The following PKHD1L1 variants were observed in gnomAD, a reference collection of about 807,000 sequenced individuals.
PKHD1L1 encodes the protein fibrocystin-L.
PKHD1L1 carries 434 observed loss-of-function variants against 462.9 expected under a neutral mutation model. The observed-to-expected ratio is 0.94, with a 90% CI of 0.87 to 1.02. The LOEUF is 1.02. PKHD1L1 is among the 50% of genes least tolerant of loss of function. PKHD1L1 has a pLI of 0.00. For missense variants in PKHD1L1, 5,202 were observed against 5,096.1 expected, an observed-to-expected ratio of 1.02 and a Z score of -0.63; for synonymous variants, 1,781 against 1,750.0, an observed-to-expected ratio of 1.02 and a Z score of -0.44.
intron 32 of PKHD1L1, among the ~76,000 whole-genome samples, chr8:109,439,637 G>A (rs1312819215): frequency 1.3e-5 from 2 of 152,126 alleles, no homozygotes; most frequent in Non-Finnish European, 2.9e-5. Flanking sequence ...TGGGTAGGAG[G>A]TGGCCATCTG....
intron 47 of PKHD1L1, among the ~76,000 whole-genome samples, chr8:109,461,196 T>A (rs1405804658): frequency 6.6e-6 from 1 of 152,180 alleles, no homozygotes; most frequent in African/African-American, 2.4e-5. Flanking sequence ...GAACAATAAC[T>A]GATGCAGCTT....
rs1821030056 is a variant in PKHD1L1, at chr8:109,531,054, T to C, written c.*964T>C. Among the ~76,000 whole-genome samples the C allele has an allele frequency of 6.6e-6, 1 of 152,170 alleles. No individual in the cohort carries two copies. Among genetic ancestry groups the C allele is most frequent in the African/African-American group, 2.4e-5 (1 of 41,442 alleles). On this transcript the variant is annotated 3_prime_UTR_variant, in exon 78 of 78. Coordinates refer to ENST00000378402, the MANE Select transcript of PKHD1L1 (RefSeq NM_177531.6). ...AGAAAATTCTAAAGGGAATACTTAA[T>C]TTGACAGAACTCCTAATAAAGACAT... is the stretch of plus-strand genomic sequence containing the variant.
chr8:109,502,286 C>G lies in PKHD1L1; in HGVS notation c.10829-2041C>G, dbSNP rs544047278. Among the ~76,000 whole-genome samples the G allele has an allele frequency of 2.4e-4, 36 of 152,234 alleles. 1 individual carries two copies. Among genetic ancestry groups the G allele is most frequent in the African/African-American group, 8.4e-4 (35 of 41,554 alleles). ...AAGCTTCTAAAAGTCATTCCAGCAA[C>G]ATATTAAAACTGGCCATACTAGTGT... On this transcript the variant is annotated intron_variant, in intron 67 of 77. Coordinates refer to ENST00000378402, the MANE Select transcript of PKHD1L1 (RefSeq NM_177531.6).
Position 109,477,366 on chromosome 8 carries a change from C to T in PKHD1L1, c.9059C>T (p.Pro3020Leu). Reference protein sequence around the residue: ...CFPVHPPSRKPIPKKRPATYN... With the variant: ...CFPVHPPSRKLIPKKRPATYN... ...CCTGTACATCCGCCATCAAGAAAACCAATTCCCAAGAAGCGACCAGCCACA... is the reference window on the plus strand; with the variant it reads ...CCTGTACATCCGCCATCAAGAAAACTAATTCCCAAGAAGCGACCAGCCACA... The change falls in exon 53 of 78, where the codon CCA (proline) becomes CTA (leucine). Residue 3020 changes from proline to leucine, a missense_variant. Around this residue, in one of 3 missense-constraint regions of PKHD1L1, gnomAD observed 4,497 missense variants for 4,336.8 expected, o/e 1.04. Transcript: ENST00000378402. The T allele has an allele frequency of 6.2e-7, 1 of 1,613,174 alleles. No individual in the cohort carries two copies. The highest frequency in any genetic ancestry group is 8.5e-7 in the Non-Finnish European group (1 of 1,179,488).
chr8:109,412,727 T>C (rs1331790019), intron 20 of PKHD1L1, among the ~76,000 whole-genome samples: 2 of 152,174 alleles, frequency 1.3e-5, no homozygotes. Context: ...TTCTTCATTT[T>C]TCTTCATTAA....
intron 23 of PKHD1L1, among the ~76,000 whole-genome samples, chr8:109,424,108 CTTCT>C (rs1251132930): frequency 2.6e-5 from 4 of 152,106 alleles, no homozygotes; most frequent in Non-Finnish European, 4.4e-5. Context: ...TTGAACCGCT[CTTCT>C]TTCTTAAACT....
chr8:109,368,946 G>A (rs1364118391), intron 2 of PKHD1L1, among the ~76,000 whole-genome samples: 1 of 151,750 alleles, frequency 6.6e-6, no homozygotes, highest in Non-Finnish European at 1.5e-5. Flanking sequence ...TTCCAGAGGT[G>A]GTGTTTTTAT....
At chr8:109,484,033 T>G (rs1818404210) in intron 57 of PKHD1L1, among the ~76,000 whole-genome samples, 1 of 151,826 alleles carries the variant, frequency 6.6e-6, no homozygotes, top group South Asian at 2.1e-4. Context: ...TCCTTTCTGG[T>G]GAGAACAAGC....
At chr8:109,430,149 G>A in intron 27 of PKHD1L1, 112 bp downstream of exon 27, 1 of 648,086 alleles carries the variant, frequency 1.5e-6, no homozygotes, top group South Asian at 2.1e-5. Context: ...GCTAAAGCAA[G>A]CAAACAGTTC....
chr8:109,421,685 G>A (rs1269466864), intron 23 of PKHD1L1, among the ~76,000 whole-genome samples: 1 of 152,202 alleles, frequency 6.6e-6, no homozygotes, highest in Non-Finnish European at 1.5e-5. Flanking sequence ...TTCCGAGGCT[G>A]AGGCAGGAGA....
At chr8:109,496,563 G>A (rs1192543004) in intron 63 of PKHD1L1, among the ~76,000 whole-genome samples, 3 of 152,184 alleles carry the variant, frequency 2.0e-5, no homozygotes, top group Non-Finnish European at 4.4e-5. Context: ...GTTATTTTAA[G>A]TAACAGTGAA....
intron 29 of PKHD1L1, 65 bp from the exon 30 acceptor site, chr8:109,436,272 AC>A: frequency 3.3e-6 from 5 of 1,498,174 alleles, no homozygotes; most frequent in Non-Finnish European, 4.5e-6. Flanking sequence ...AAAAAATGTT[AC>A]TAACATTTCT....
In PKHD1L1 at chr8:109,381,495, C is replaced by G; in HGVS notation, c.289C>G (p.Gln97Glu). Residue 97 changes from glutamine (Q) to glutamate (E), a missense_variant, in exon 3 of 78, where the codon CAA (glutamine) becomes GAA (glutamate). Physicochemically the swap from Gln to Glu is conservative, Grantham distance 29. This residue lies in a region of PKHD1L1 where 4,497 missense variants were observed against 4,336.8 expected (regional missense o/e 1.04). Coordinates refer to ENST00000378402, the MANE Select transcript of PKHD1L1 (RefSeq NM_177531.6). ...AGAAAAAGATGCAAGTCATTCAACTCAAATTACATGCTATACTAGGTCTGT... is the reference window on the plus strand; with the variant it reads ...AGAAAAAGATGCAAGTCATTCAACTGAAATTACATGCTATACTAGGTCTGT... ...DVEKDASHST[Q>E]ITCYTRAMPE... The G allele has an allele frequency of 1.3e-6, 2 of 1,577,350 alleles. 1 individual carries two copies. Among genetic ancestry groups the G allele is most frequent in the South Asian group, 2.3e-5 (2 of 86,870 alleles).
chr8:109,469,064 C>A (rs1325232498), intron 50 of PKHD1L1, among the ~76,000 whole-genome samples: 1 of 152,144 alleles, frequency 6.6e-6, no homozygotes, highest in Admixed American at 6.6e-5. Flanking sequence ...CAGTTCAGAG[C>A]ACTCTGATTC....
intron 35 of PKHD1L1, 126 bp downstream of exon 35, chr8:109,442,321 G>A (rs1030155279): frequency 3.4e-6 from 3 of 890,744 alleles, no homozygotes; most frequent in Admixed American, 3.3e-5. Context: ...AAGGTATTTG[G>A]CATTTTATTG....
chr8:109,389,129 G>C lies in PKHD1L1; in HGVS notation c.674G>C (p.Cys225Ser), dbSNP rs369988115. The C allele has an allele frequency of 1.9e-5, 31 of 1,610,220 alleles. No homozygotes were observed. Residue 225 changes from cysteine (C) to serine (S), a missense_variant, in exon 8 of 78, where the codon TGT becomes TCT. Cys to Ser is a moderately radical substitution (Grantham distance 112). Coordinates refer to ENST00000378402, the MANE Select transcript of PKHD1L1 (RefSeq NM_177531.6). ...HPNGDMGSMV[C>S]KTTGTFIGHH... ...AATGGAGATATGGGTTCTATGGTTT[G>C]TAAGACGACTGGAACTTTTATTGGC...
intron 21 of PKHD1L1, among the ~76,000 whole-genome samples, chr8:109,417,157 G>A (rs1033569711): frequency 1.1e-4 from 16 of 152,176 alleles, no homozygotes; most frequent in Admixed American, 1.0e-3. Context: ...GGTGGCTAAA[G>A]TCAATAATAA....
intron 53 of PKHD1L1, 100 bp from the exon 54 acceptor site, chr8:109,479,451 A>G (rs552244943): frequency 1.3e-6 from 1 of 798,236 alleles, no homozygotes; most frequent in Non-Finnish European, 2.0e-6. Context: ...CTTCTCTACC[A>G]TGTAAAATCT....
chr8:109,443,515 A>C (rs1815932699), intron 36 of PKHD1L1, among the ~76,000 whole-genome samples, 161 bp from the exon 37 acceptor site: 1 of 152,178 alleles, frequency 6.6e-6, no homozygotes, highest in South Asian at 2.1e-4. Context: ...CAGGTCTTTA[A>C]TACTTTTGTA....
Sources: allele counts gnomAD v4.1 joint callset (sites outside exome capture counted in the v4.1 genomes callset), GRCh38; gene constraint gnomAD v4.1.1; regional missense constraint gnomAD v4.1.1; transcripts MANE v1.5; gene names NCBI Gene and HGNC (gene_info 2026-07-23, HGNC 2026-07-21).